The following ADGRG6 variants were observed in gnomAD, a reference collection of about 807,000 sequenced individuals.
ADGRG6 encodes the protein G-protein coupled receptor 126.
A neutral mutation model predicts 142.4 loss-of-function variants in ADGRG6; 84 were observed. The ratio of observed to expected loss-of-function variants is 0.59; its 90% CI spans 0.49 to 0.71. The LOEUF (loss-of-function observed/expected upper bound fraction) is 0.71, where lower values mean the gene tolerates loss of function less well. ADGRG6 is among the 30% of genes least tolerant of loss of function. ADGRG6 has a pLI of 0.00. For missense variants in ADGRG6, 1,367 were observed against 1,466.6 expected, an observed-to-expected ratio of 0.93 and a Z score of 1.11; for synonymous variants, 521 against 520.5, an observed-to-expected ratio of 1.00 and a Z score of -0.01.
At chr6:142,320,282 ATTAT>A (rs1459680214) in intron 2 of ADGRG6, among the ~76,000 whole-genome samples, 1 of 152,116 alleles carries the variant, frequency 6.6e-6, no homozygotes, top group Non-Finnish European at 1.5e-5. Context: ...AAAATAAAGT[ATTAT>A]TTGAGATAAA....
intron 2 of ADGRG6, among the ~76,000 whole-genome samples, chr6:142,317,078 T>A (rs1170833424): frequency 2.6e-5 from 4 of 152,130 alleles, no homozygotes; most frequent in Non-Finnish European, 5.9e-5. Context: ...AACAATAGGG[T>A]TTGTGGTTTT....
intron 2 of ADGRG6, among the ~76,000 whole-genome samples, chr6:142,336,219 A>C (rs1779308790): frequency 6.6e-6 from 1 of 152,222 alleles, no homozygotes; most frequent in South Asian, 2.1e-4. Context: ...TTCAAACTCC[A>C]GTGGAAGACA....
At chr6:142,310,305 T>G (rs115864818) in intron 2 of ADGRG6, among the ~76,000 whole-genome samples, 1,706 of 151,964 alleles carry the variant, frequency 0.011, 34 homozygotes, top group African/African-American at 0.039. Context: ...GAATGATATC[T>G]AAAAGTAAAC....
At chr6:142,336,617 G>C (rs1779329314) in intron 2 of ADGRG6, among the ~76,000 whole-genome samples, 1 of 152,028 alleles carries the variant, frequency 6.6e-6, no homozygotes, top group Admixed American at 6.6e-5. Flanking sequence ...TGTATATTGA[G>C]GCATGTTCTA....
chr6:142,302,041 ACT>A lies in ADGRG6; in HGVS notation c.-288_-287del. ...TCAGCACCAGCCCCACGCACACCCTACTTCCTCAGCTTCTCGCCCTCACCCTG... is the reference window on the plus strand; with the variant it reads ...TCAGCACCAGCCCCACGCACACCCTATCCTCAGCTTCTCGCCCTCACCCTG... On this transcript the variant is annotated 5_prime_UTR_variant, in exon 1 of 25. Transcript: ENST00000367609. 1.9e-6 allele frequency: 1 copy of A among 515,198 alleles called. No individual in the cohort carries two copies. The highest frequency in any genetic ancestry group is 3.2e-5 in the East Asian group (1 of 31,204). 31.9% of individuals were successfully genotyped at this position (515,198 alleles called of 1,614,324 possible).
chr6:142,302,521 G>C, intron 1 of ADGRG6, 190 bp downstream of exon 1: 1 of 569,314 alleles, frequency 1.8e-6, no homozygotes, highest in East Asian at 3.1e-5. Context: ...TTGCCAAGTG[G>C]AGTTGTGACA....
intron 2 of ADGRG6, among the ~76,000 whole-genome samples, chr6:142,349,100 C>T (rs1195077817): frequency 4.6e-5 from 7 of 152,218 alleles, no homozygotes; most frequent in Admixed American, 6.5e-5. Context: ...ATCTTTTTCT[C>T]ACTTCAATAC....
chr6:142,405,889 AAAC>A (rs1775780130), intron 15 of ADGRG6, 61 bp downstream of exon 15: 3 of 1,243,390 alleles, frequency 2.4e-6, no homozygotes, highest in Non-Finnish European at 3.3e-6. Flanking sequence ...TGAGCAAAGA[AAAC>A]AAAACTTTAG....
At chr6:142,363,073 G>A (rs971119958) in intron 2 of ADGRG6, among the ~76,000 whole-genome samples, 1 of 152,222 alleles carries the variant, frequency 6.6e-6, no homozygotes, top group African/African-American at 2.4e-5. Context: ...AAGCTCATTA[G>A]CTGCAATTTT....
At position 142,315,362 on chromosome 6, in the gene ADGRG6, A is replaced by G. The variant is rs1434312444; in HGVS notation, c.103+5718A>G. Among the ~76,000 whole-genome samples, 3 of 150,386 alleles carry G rather than the reference A, an allele frequency of 2.0e-5. No homozygotes were observed. In the East Asian group the frequency reaches 5.8e-4, roughly 29 times the overall value. ...ATATCATAGTATTCAGTAAGTAAAG[A>G]AGATGGAAAAAAAAAACAGAATGGA... is the stretch of plus-strand genomic sequence containing the variant. On this transcript the variant is annotated intron_variant, in intron 2 of 24. Coordinates refer to ENST00000367609, the MANE Select transcript of ADGRG6 (RefSeq NM_198569.3).
intron 2 of ADGRG6, among the ~76,000 whole-genome samples, chr6:142,318,811 C>T (rs1778375703): frequency 6.6e-6 from 1 of 151,886 alleles, no homozygotes; most frequent in African/African-American, 2.4e-5. Flanking sequence ...AATAAAGGGT[C>T]TCTGCAGAAG....
intron 9 of ADGRG6, 50 bp from the exon 10 acceptor site, chr6:142,397,563 C>A: frequency 6.4e-7 from 1 of 1,566,276 alleles, no homozygotes; most frequent in Non-Finnish European, 8.7e-7. Context: ...TACCAAATGA[C>A]AAGCAACCAA....
chr6:142,329,189 G>T (rs557896008), intron 2 of ADGRG6, among the ~76,000 whole-genome samples: 29 of 152,230 alleles, frequency 1.9e-4, no homozygotes, highest in African/African-American at 7.0e-4. Flanking sequence ...TTTGCACAAT[G>T]AATCATGAAG....
chr6:142,309,206 T>A (rs1353082103), intron 1 of ADGRG6, among the ~76,000 whole-genome samples: 2 of 151,922 alleles, frequency 1.3e-5, no homozygotes, highest in African/African-American at 4.8e-5. Context: ...AACATGAGTC[T>A]GGTGAGGCTG....
chr6:142,337,649 A>C lies in ADGRG6; in HGVS notation c.103+28005A>C, dbSNP rs370352011. On this transcript the variant is annotated intron_variant, in intron 2 of 24. Coordinates refer to ENST00000367609, the MANE Select transcript of ADGRG6 (RefSeq NM_198569.3). ...CTGCCTACCCAAGGGAGGAGGCATT[A>C]TGCATTCTAGTGCATTTCTACAGGT... Among the ~76,000 whole-genome samples the C allele has an allele frequency of 7.2e-5, 11 of 152,072 alleles. No homozygotes were observed. In the East Asian group the frequency reaches 1.3e-3, roughly 19 times the overall value.
chr6:142,368,454 C>G (rs530251390), intron 3 of ADGRG6, among the ~76,000 whole-genome samples: 6 of 151,912 alleles, frequency 3.9e-5, no homozygotes, highest in Non-Finnish European at 7.4e-5. Context: ...TATATTCTGG[C>G]ACAACATAAC....
chr6:142,313,945 A>G (rs182349361), intron 2 of ADGRG6, among the ~76,000 whole-genome samples: 32 of 152,286 alleles, frequency 2.1e-4, no homozygotes, highest in African/African-American at 7.5e-4. Flanking sequence ...AAGGTCAAAA[A>G]TAAGGCTCTA....
chr6:142,344,307 A>G (rs1293662197), intron 2 of ADGRG6, among the ~76,000 whole-genome samples: 2 of 151,988 alleles, frequency 1.3e-5, no homozygotes, highest in African/African-American at 2.4e-5. Context: ...GCTTTTCTTT[A>G]TGCTATAATT....
intron 5 of ADGRG6, among the ~76,000 whole-genome samples, chr6:142,382,976 C>A (rs1781840112): frequency 6.6e-6 from 1 of 151,196 alleles, no homozygotes; most frequent in Admixed American, 6.6e-5. Flanking sequence ...TTAATCAATA[C>A]CCTATGAAAA....
Sources: allele counts gnomAD v4.1 joint callset (sites outside exome capture counted in the v4.1 genomes callset), GRCh38; gene constraint gnomAD v4.1.1; transcripts MANE v1.5; gene names NCBI Gene and HGNC (gene_info 2026-07-23, HGNC 2026-07-21).